CCDC178: variants seen among roughly 807,000 people sequenced by gnomAD.
The protein encoded by CCDC178 is coiled-coil domain-containing protein 178.
CCDC178 carries 126 observed loss-of-function variants against 117.4 expected under a neutral mutation model. That is an observed-to-expected ratio of 1.07 (90% CI 0.93 to 1.24). The LOEUF (loss-of-function observed/expected upper bound fraction) is 1.24, where lower values mean the gene tolerates loss of function less well. Among genes scored for constraint, CCDC178 ranks in the 50% most tolerant of loss-of-function variants. The pLI, the probability that CCDC178 is intolerant of heterozygous loss-of-function variation, is 0.00. For synonymous variants in CCDC178, 283 were observed against 313.4 expected (o/e 0.90, Z 1.02); for missense variants, 1,030 against 986.9 (o/e 1.04, Z -0.59).
chr18:33,148,179 C>T (rs1487297952), intron 20 of CCDC178, among the ~76,000 whole-genome samples: 9 of 152,210 alleles, frequency 5.9e-5, no homozygotes, highest in East Asian at 1.9e-4. Flanking sequence ...CCTGGCACCT[C>T]GGGAGGCCGA....
intron 14 of CCDC178, among the ~76,000 whole-genome samples, chr18:33,254,687 G>A (rs950622339): frequency 2.6e-5 from 4 of 151,946 alleles, no homozygotes; most frequent in African/African-American, 2.4e-5. Context: ...GAATTAATCA[G>A]ATTTAAAAAC....
intron 2 of CCDC178, among the ~76,000 whole-genome samples, chr18:33,419,781 A>T (rs143994942): frequency 1.1e-3 from 160 of 152,310 alleles, no homozygotes; most frequent in African/African-American, 3.0e-3. Context: ...GTCAAAAAAT[A>T]ACAGATGCTG....
At chr18:33,307,324 G>A (rs569873949) in intron 11 of CCDC178, among the ~76,000 whole-genome samples, 8 of 152,306 alleles carry the variant, frequency 5.3e-5, no homozygotes, top group Admixed American at 1.3e-4. Context: ...GTCTCAGATG[G>A]AAATTAGGAA....
At chr18:33,430,748 T>C (rs112456101) in intron 2 of CCDC178, among the ~76,000 whole-genome samples, 2 of 152,160 alleles carry the variant, frequency 1.3e-5, no homozygotes, top group East Asian at 1.9e-4. Flanking sequence ...CCTGTTCTAA[T>C]AGAGGGCTGC....
chr18:33,348,762 G>A (rs996973499), intron 8 of CCDC178, 128 bp downstream of exon 8: 2 of 638,336 alleles, frequency 3.1e-6, no homozygotes, highest in Non-Finnish European at 5.4e-6. Flanking sequence ...GGACTATTTT[G>A]TCTATTAAAC....
chr18:33,426,067 A>G (rs562714611), intron 2 of CCDC178, among the ~76,000 whole-genome samples: 26 of 152,348 alleles, frequency 1.7e-4, no homozygotes, highest in Non-Finnish European at 3.7e-4. Context: ...CTATAAAATA[A>G]TTTATTAAGT....
At chr18:32,987,665 A>G (rs1197350032) in intron 21 of CCDC178, among the ~76,000 whole-genome samples, 2 of 152,212 alleles carry the variant, frequency 1.3e-5, no homozygotes, top group Admixed American at 6.5e-5. Flanking sequence ...GAGATCATAA[A>G]GCAAGCCTTT....
At chr18:33,272,029 A>T (rs2059897255) in intron 12 of CCDC178, among the ~76,000 whole-genome samples, 1 of 151,490 alleles carries the variant, frequency 6.6e-6, no homozygotes, top group African/African-American at 2.4e-5. Context: ...ACCCAAAGCA[A>T]GTAAAAGAAT....
chr18:33,122,979 T>C (rs907366420), intron 20 of CCDC178, among the ~76,000 whole-genome samples: 1 of 152,106 alleles, frequency 6.6e-6, no homozygotes, highest in Admixed American at 6.6e-5. Context: ...GAACACATGA[T>C]AGAGTTCAAC....
rs779626114 is a variant in CCDC178, at chr18:33,156,662, G to A, written c.2238+55234C>T. Among the ~76,000 whole-genome samples, 341 of 84,380 alleles carry A rather than the reference G, an allele frequency of 4.0e-3. 2 individuals are homozygous for A. Among genetic ancestry groups the A allele is most frequent in the African/African-American group, 0.011 (263 of 23,854 alleles). 55.4% of individuals were successfully genotyped at this position (84,380 alleles called of 152,430 possible). On this transcript the variant is annotated intron_variant, in intron 20 of 22. Transcript: ENST00000383096. ...CTCTCAAAAAAAAAAAAAAAAAAAA[G>A]AGAAAATAAAAGCAAAAGAAGAAGT...
intron 14 of CCDC178, among the ~76,000 whole-genome samples, chr18:33,252,431 T>C (rs1052635720): frequency 6.6e-6 from 1 of 151,842 alleles, no homozygotes; most frequent in Admixed American, 6.6e-5. Flanking sequence ...GTATATATCA[T>C]TTTAATGCAT....
chr18:33,187,665 T>C (rs1188177701), intron 20 of CCDC178, among the ~76,000 whole-genome samples: 5 of 152,166 alleles, frequency 3.3e-5, no homozygotes, highest in Non-Finnish European at 5.9e-5. Flanking sequence ...GATATTGGTT[T>C]ATGGTGAAAT....
At chr18:32,954,155 G>T (rs1256308070) in intron 22 of CCDC178, 1 of 151,950 alleles carries the variant, frequency 6.6e-6, no homozygotes, top group Non-Finnish European at 1.5e-5. Context: ...ATGCTGCCCT[G>T]GTTCATTTTT....
chr18:33,349,583 T>C (rs868237887), intron 7 of CCDC178, among the ~76,000 whole-genome samples: 1 of 151,878 alleles, frequency 6.6e-6, no homozygotes, highest in Non-Finnish European at 1.5e-5. Context: ...ATAAACTATT[T>C]CTCCATCTTT....
intron 5 of CCDC178, among the ~76,000 whole-genome samples, chr18:33,382,256 T>C (rs2063446389): frequency 6.6e-6 from 1 of 152,222 alleles, no homozygotes; most frequent in Non-Finnish European, 1.5e-5. Flanking sequence ...TAGATATATG[T>C]ATACATTTCC....
intron 5 of CCDC178, among the ~76,000 whole-genome samples, chr18:33,377,408 T>C (rs1488273390): frequency 1.4e-5 from 2 of 143,976 alleles, no homozygotes; most frequent in Non-Finnish European, 3.1e-5. Flanking sequence ...GTTTACTCTG[T>C]TGATAGTTTC....
chr18:32,951,911 T>G (rs2054494450), intron 22 of CCDC178, among the ~76,000 whole-genome samples: 1 of 152,194 alleles, frequency 6.6e-6, no homozygotes, highest in African/African-American at 2.4e-5. Context: ...ACAGGCCCCA[T>G]GCAAGTCCAA....
intron 15 of CCDC178, among the ~76,000 whole-genome samples, chr18:33,228,643 A>C (rs1599027025): frequency 6.6e-6 from 1 of 152,202 alleles, no homozygotes; most frequent in East Asian, 1.9e-4. Flanking sequence ...GTCTCAAAGA[A>C]CTTTACCAAG....
chr18:33,245,048 TAC>T (rs1197810401), intron 15 of CCDC178, among the ~76,000 whole-genome samples, 195 bp downstream of exon 15: 1 of 151,964 alleles, frequency 6.6e-6, no homozygotes, highest in African/African-American at 2.4e-5. Flanking sequence ...GTGGATTAGC[TAC>T]ATTGAGCCCT....
Sources: gnomAD v4.1 joint callset for allele counts (sites outside exome capture counted in the v4.1 genomes callset) on GRCh38, gnomAD v4.1.1 for gene constraint, MANE v1.5 for transcripts, NCBI Gene and HGNC (gene_info 2026-07-23, HGNC 2026-07-21) for gene names.